PCARE: variants seen among roughly 807,000 people sequenced by gnomAD.
PCARE encodes the protein uncharacterized protein C2orf71.
Under a neutral mutation model 82.2 loss-of-function variants are expected in PCARE, and 72 were observed. The ratio of observed to expected loss-of-function variants is 0.88; its 90% CI spans 0.72 to 1.07. The LOEUF (loss-of-function observed/expected upper bound fraction) is 1.07, where lower values mean the gene tolerates loss of function less well. Among genes scored for constraint, PCARE ranks in the 50% least tolerant of loss-of-function variants. The pLI is 0.00. For synonymous variants in PCARE, 705 were observed against 634.8 expected (o/e 1.11, Z -1.66); for missense variants, 1,768 against 1,592.4 (o/e 1.11, Z -1.88).
chr2:29,073,851 A>T lies in PCARE; in HGVS notation c.411T>A (p.Ser137Arg). ...ADFSGDESEE[S>R]STQDTSKWKR... ...TCCATTTGGAAGTATCTTGGGTACT[A>T]CTTTCCTCACTCTCATCTCCAGAAA... The change falls in exon 1 of 2, where the codon AGT becomes AGA. Residue 137 changes from serine to arginine, a missense_variant. Transcript: ENST00000331664. The T allele has an allele frequency of 6.2e-7, 1 of 1,614,182 alleles. No homozygotes were observed. Among genetic ancestry groups the T allele is most frequent in the Non-Finnish European group, 8.5e-7 (1 of 1,180,040 alleles).
Position 29,064,738 on chromosome 2 carries a change from C to A in PCARE, c.*131G>T. Reference sequence around the variant, plus strand: ...TTCAGCAGACCCACTGGGCAGTGCACCTTCCAGGCCTTTCCAGGACACCTC... The same window carrying A: ...TTCAGCAGACCCACTGGGCAGTGCAACTTCCAGGCCTTTCCAGGACACCTC... On this transcript the variant is annotated 3_prime_UTR_variant, in exon 2 of 2. Transcript: ENST00000331664. The A allele has an allele frequency of 8.2e-7, 1 of 1,224,300 alleles. No homozygotes were observed. Among genetic ancestry groups the A allele is most frequent in the South Asian group, 1.3e-5 (1 of 76,212 alleles). The allele number at this position is 1,224,300 out of a possible 1,614,324, so 75.8% of individuals were successfully genotyped here.
At position 29,070,731 on chromosome 2, in the gene PCARE, C is replaced by T. The variant is rs189904739; in HGVS notation, c.3531G>A (p.Arg1177=). 29 of 1,614,142 alleles carry T rather than the reference C, an allele frequency of 1.8e-5. No homozygotes were observed. In the East Asian group the frequency reaches 6.2e-4, roughly 35 times the overall value. ...SGPWLRADSQ[R]RAALCALNPL... ...GGTTGAGGGCACACAGAGCTGCTCT[C>T]CGCTGCGAGTCTGCTCTCAGCCAAG... The change falls in exon 1 of 2, where the codon CGG becomes CGA. Residue 1177 remains arginine (R), a synonymous_variant. Coordinates refer to ENST00000331664, the MANE Select transcript of PCARE (RefSeq NM_001029883.3).
Position 29,073,865 on chromosome 2 carries a change from C to A in PCARE, c.397G>T (p.Glu133Ter). The change falls in exon 1 of 2, where the codon GAG (glutamate) becomes TAG (stop). Residue 133 changes from glutamate (E) to a stop codon, truncating the protein, a stop_gained. Transcript: ENST00000331664. LOFTEE classifies it high-confidence loss of function. The stretch of plus-strand genomic sequence containing the variant: ...TCTTGGGTACTACTTTCCTCACTCT[C>A]ATCTCCAGAAAAGTCTGCCCCTTGT... ...GSQGADFSGDESEESSTQDTS... is the reference protein window; with the variant it reads ...GSQGADFSGD 1 of 1,614,264 alleles carries A rather than the reference C, an allele frequency of 6.2e-7. No individual in the cohort carries two copies. Among genetic ancestry groups the A allele is most frequent in the Non-Finnish European group, 8.5e-7 (1 of 1,180,052 alleles).
chr2:29,070,610 G>A lies in PCARE; in HGVS notation c.3652C>T (p.Gln1218Ter), dbSNP rs1558487417. ...ACTCCTTACCTGTTCTGGCCGAGCT[G>A]GGATTCATAAGAGGTGCTGGTGGGG... Reference protein sequence around the residue: ...LDPTSTSYESQLGQNSSSEES... With the variant: ...LDPTSTSYES Residue 1218 changes from glutamine (Q) to a stop codon, truncating the protein, a stop_gained, in exon 1 of 2, where the codon CAG becomes TAG. Transcript: ENST00000331664. LOFTEE classifies it low-confidence loss of function (END_TRUNC). 2 of 1,614,056 alleles carry A rather than the reference G, an allele frequency of 1.2e-6. No homozygotes were observed. The highest frequency in any genetic ancestry group is 1.7e-6 in the Non-Finnish European group (2 of 1,179,916).
Position 29,073,526 on chromosome 2 carries a change from C to T in PCARE, c.736G>A (p.Glu246Lys). ...ISKDGEVLLQ[E>K]VREDLAWPLK... is the part of the protein sequence containing the mutation. ...GGCCAAGCCAGATCCTCCCTGACTT[C>T]CTGCAGGAGCACTTCTCCATCCTTG... Residue 246 changes from glutamate (E) to lysine (K), a missense_variant, in exon 1 of 2, where the codon GAA becomes AAA. Transcript: ENST00000331664. 2 of 1,614,188 alleles carry T rather than the reference C, an allele frequency of 1.2e-6. No individual in the cohort carries two copies. The highest frequency in any genetic ancestry group is 1.7e-6 in the Non-Finnish European group (2 of 1,180,040).
In PCARE at chr2:29,073,287, C is replaced by G; in HGVS notation, c.975G>C (p.Leu325=). ...CACTCGCCAGGCTCTCTAGCTGCCTCAGAGCCCTCAGGAGGCGTTCATCCA... is the reference window on the plus strand; with the variant it reads ...CACTCGCCAGGCTCTCTAGCTGCCTGAGAGCCCTCAGGAGGCGTTCATCCA... The part of the protein sequence containing the change: ...RNVDERLLRA[L]RQLESLASGC... The change falls in exon 1 of 2, where the codon CTG becomes CTC. Residue 325 remains leucine, a synonymous_variant. Transcript: ENST00000331664. 1 of 1,614,202 alleles carries G rather than the reference C, an allele frequency of 6.2e-7. No homozygotes were observed. The highest frequency in any genetic ancestry group is 8.5e-7 in the Non-Finnish European group (1 of 1,180,024).
At chr2:29,065,132 C>T (rs536733698) in intron 1 of PCARE, 65 bp from the exon 2 acceptor site, 10 of 1,505,170 alleles carry the variant, frequency 6.6e-6, no homozygotes, top group Non-Finnish European at 8.1e-6. Flanking sequence ...CTGCCCCACC[C>T]CTGTCCTCCA....
In PCARE at chr2:29,072,875, C is replaced by T. The variant is rs199764925; in HGVS notation, c.1387G>A (p.Val463Ile). 344 of 1,614,170 alleles carry T rather than the reference C, an allele frequency of 2.1e-4. 4 individuals are homozygous for T. In the Middle Eastern group the frequency reaches 2.1e-3, roughly 10 times the overall value. ...TTGGAAAGGTGTGGTTCCACAGAGA[C>T]CCCAATCCCAAAGGAATCACATGGG... ...STPCDSFGIG[V>I]SVEPHLSKTS... The change falls in exon 1 of 2, where the codon GTC becomes ATC. Residue 463 changes from valine (V) to isoleucine (I), a missense_variant. Physicochemically the swap from Val to Ile is conservative, Grantham distance 29. Coordinates refer to ENST00000331664, the MANE Select transcript of PCARE (RefSeq NM_001029883.3).
rs1301793493 is a variant in PCARE at position 29,071,784 on chromosome 2, G to A, written c.2478C>T (p.Asn826=). 14 of 1,613,554 alleles carry A rather than the reference G, an allele frequency of 8.7e-6. No individual in the cohort carries two copies. The highest frequency in any genetic ancestry group is 2.7e-5 in the African/African-American group (2 of 74,934). The change falls in exon 1 of 2, where the codon AAC becomes AAT. Residue 826 remains asparagine (N), a synonymous_variant. Transcript: ENST00000331664. The part of the protein sequence containing the change: ...SEELSCEMEG[N]LEHLPPPPME... Reference sequence around the variant, plus strand: ...TAGGCGGTGGAGGGAGGTGCTCGAGGTTCCCCTCCATTTCACAGCTGAGCT... The same window carrying A: ...TAGGCGGTGGAGGGAGGTGCTCGAGATTCCCCTCCATTTCACAGCTGAGCT...
In PCARE at chr2:29,073,544, C is replaced by T; in HGVS notation, c.718G>A (p.Gly240Arg). The T allele has an allele frequency of 6.2e-7, 1 of 1,614,208 alleles. No individual in the cohort carries two copies. Among genetic ancestry groups the T allele is most frequent in the Non-Finnish European group, 8.5e-7 (1 of 1,180,044 alleles). Reference sequence around the variant, plus strand: ...CTGACTTCCTGCAGGAGCACTTCTCCATCCTTGGAGATCTCCCCCAACAGC... The same window carrying T: ...CTGACTTCCTGCAGGAGCACTTCTCTATCCTTGGAGATCTCCCCCAACAGC... ...SQLLGEISKD[G>R]EVLLQEVRED... The change falls in exon 1 of 2, where the codon GGA becomes AGA. Residue 240 changes from glycine to arginine, a missense_variant. Coordinates refer to ENST00000331664, the MANE Select transcript of PCARE (RefSeq NM_001029883.3).
At chr2:29,068,109 T>G (rs562612187) in intron 1 of PCARE, among the ~76,000 whole-genome samples, 46 of 152,330 alleles carry the variant, frequency 3.0e-4, no homozygotes, top group African/African-American at 1.1e-3. Context: ...ATCTAATAAC[T>G]GAATAAGTGG....
intron 1 of PCARE, among the ~76,000 whole-genome samples, chr2:29,066,096 C>T (rs368570714): frequency 1.1e-4 from 17 of 152,074 alleles, no homozygotes; most frequent in African/African-American, 2.2e-4. Flanking sequence ...TGCAGTGAGC[C>T]GAGATTGCGC....
Position 29,071,174 on chromosome 2 carries a change from G to T in PCARE, c.3088C>A (p.Pro1030Thr), listed in dbSNP as rs749260547. The T allele has an allele frequency of 6.3e-7, 1 of 1,584,138 alleles. No individual in the cohort carries two copies. The highest frequency in any genetic ancestry group is 1.2e-5 in the South Asian group (1 of 85,430). Residue 1030 changes from proline (P) to threonine (T), a missense_variant, in exon 1 of 2, where the codon CCC (proline) becomes ACC (threonine). Coordinates refer to ENST00000331664, the MANE Select transcript of PCARE (RefSeq NM_001029883.3). ...QPSPSAVQTP[P>T]SPPVSPRVLS... ...ACCCTGGGGCTCACAGGTGGGCTGG[G>T]GGGCGTCTGCACAGCAGAGGGGCTT... is the stretch of plus-strand genomic sequence containing the variant.
At position 29,073,556 on chromosome 2, in the gene PCARE, T is replaced by C; in HGVS notation, c.706A>G (p.Ile236Val). 1 of 1,614,100 alleles carries C rather than the reference T, an allele frequency of 6.2e-7. No individual in the cohort carries two copies. Among genetic ancestry groups the C allele is most frequent in the Non-Finnish European group, 8.5e-7 (1 of 1,180,024 alleles). Residue 236 changes from isoleucine (I) to valine (V), a missense_variant, in exon 1 of 2, where the codon ATC becomes GTC. Coordinates refer to ENST00000331664, the MANE Select transcript of PCARE (RefSeq NM_001029883.3). ...AGGAGCACTTCTCCATCCTTGGAGA[T>C]CTCCCCCAACAGCTGGCTGATCTCC... ...FEEISQLLGE[I>V]SKDGEVLLQE...
intron 1 of PCARE, among the ~76,000 whole-genome samples, chr2:29,066,083 G>C (rs900727774): frequency 1.3e-5 from 2 of 152,186 alleles, no homozygotes; most frequent in African/African-American, 4.8e-5. Context: ...GGGAGGCAGA[G>C]GTTGCAGTGA....
Position 29,072,660 on chromosome 2 carries a change from G to C in PCARE, c.1602C>G (p.Ser534Arg), listed in dbSNP as rs376175165. ...TCAGAATCATTTCCTGGGCCTGGAG[G>C]CTCCTAAGCCTCCTGGTGCGGGCCT... ...PFQARTRRLRSLQAQEMILKM... is the reference protein window; with the variant it reads ...PFQARTRRLRRLQAQEMILKM... Residue 534 changes from serine to arginine, a missense_variant, in exon 1 of 2, where the codon AGC (serine) becomes AGG (arginine). By Grantham distance (110) the Ser-to-Arg change is moderately radical. Coordinates refer to ENST00000331664, the MANE Select transcript of PCARE (RefSeq NM_001029883.3). 13 of 1,613,934 alleles carry C rather than the reference G, an allele frequency of 8.1e-6. No individual in the cohort carries two copies. The highest frequency in any genetic ancestry group is 1.0e-5 in the Non-Finnish European group (12 of 1,180,050).
intron 1 of PCARE, among the ~76,000 whole-genome samples, chr2:29,067,096 G>A (rs1667401559): frequency 6.6e-6 from 1 of 152,068 alleles, no homozygotes; most frequent in Non-Finnish European, 1.5e-5. Flanking sequence ...GTGACTGGAA[G>A]GGCAGGCTGG....
chr2:29,072,571 C>G lies in PCARE; in HGVS notation c.1691G>C (p.Trp564Ser). The G allele has an allele frequency of 1.2e-6, 2 of 1,614,198 alleles. No homozygotes were observed. The highest frequency in any genetic ancestry group is 2.2e-5 in the South Asian group (2 of 91,080). Residue 564 changes from tryptophan to serine, a missense_variant, in exon 1 of 2, where the codon TGG becomes TCG. Trp to Ser is a radical substitution (Grantham distance 177, BLOSUM62 -3). Coordinates refer to ENST00000331664, the MANE Select transcript of PCARE (RefSeq NM_001029883.3). ...FVPVPCGHQD[W>S]SEEEEGRTVV... ...TGTCCTCCCCTCCTCCTCCTCAGAC[C>G]AGTCCTGGTGCCCACAGGGCACAGG...
chr2:29,071,969 G>A lies in PCARE; in HGVS notation c.2293C>T (p.Pro765Ser). 1 of 1,614,008 alleles carries A rather than the reference G, an allele frequency of 6.2e-7. No individual in the cohort carries two copies. Among genetic ancestry groups the A allele is most frequent in the Non-Finnish European group, 8.5e-7 (1 of 1,179,876 alleles). The change falls in exon 1 of 2, where the codon CCC becomes TCC. Residue 765 changes from proline (P) to serine (S), a missense_variant. Physicochemically the swap from Pro to Ser is moderately conservative, Grantham distance 74. Transcript: ENST00000331664. ...CCTGTGTACTTGGGAAATCTGGGGG[G>A]CATGATGCAATTCCTGAGGCAGGGA... Reference protein sequence around the residue: ...ASPCLRNCIMPPRFPKYTGLA... With the variant: ...ASPCLRNCIMSPRFPKYTGLA...
Sources: gnomAD v4.1 joint callset for allele counts (sites outside exome capture counted in the v4.1 genomes callset) on GRCh38, gnomAD v4.1.1 for gene constraint, MANE v1.5 for transcripts, NCBI Gene and HGNC (gene_info 2026-07-23, HGNC 2026-07-21) for gene names.